JADE1: variants seen among roughly 807,000 people sequenced by gnomAD.
The protein encoded by JADE1 is jade family PHD finger 1.
JADE1 carries 14 observed loss-of-function variants against 81.8 expected under a neutral mutation model. The observed-to-expected ratio is 0.17, with a 90% CI of 0.11 to 0.27. JADE1 has a LOEUF of 0.27. Among genes scored for constraint, JADE1 ranks in the 10% least tolerant of loss-of-function variants. The probability of loss-of-function intolerance (pLI) is 1.00; values close to 1 mark genes in which losing one functional copy is unlikely to be tolerated. For synonymous variants in JADE1, 353 were observed against 391.9 expected (o/e 0.90, Z 1.17); for missense variants, 690 against 1,047.9 (o/e 0.66, Z 4.71).
intron 1 of JADE1, among the ~76,000 whole-genome samples, chr4:128,813,129 C>T (rs961714582): frequency 1.3e-5 from 2 of 152,208 alleles, no homozygotes; most frequent in African/African-American, 4.8e-5. Context: ...AGTGACTCCC[C>T]AGTGGTTACA....
intron 7 of JADE1, among the ~76,000 whole-genome samples, chr4:128,856,137 C>T (rs562435853): frequency 1.3e-5 from 2 of 152,162 alleles, no homozygotes; most frequent in African/African-American, 4.8e-5. Context: ...TTTTTAATAG[C>T]ACCTTAGCTC....
rs1329963600 is a variant in JADE1 at position 128,868,205 on chromosome 4, C to T, written c.1621+232C>T. 2.0e-5 allele frequency among the ~76,000 whole-genome samples: 3 copies of T among 152,200 alleles called. No individual in the cohort carries two copies. The East Asian group carries it at 5.8e-4, about 29-fold the overall frequency. On this transcript the variant is annotated intron_variant, in intron 10 of 10. Transcript: ENST00000226319. ...CTGTGTTCTCTGCTTACTGAGCAAACACATGAAAGTCTTTTGAGTCTCCCT... is the reference window on the plus strand; with the variant it reads ...CTGTGTTCTCTGCTTACTGAGCAAATACATGAAAGTCTTTTGAGTCTCCCT...
chr4:128,811,720 C>A (rs1726406700), intron 1 of JADE1: 1 of 147,936 alleles, frequency 6.8e-6, no homozygotes, highest in Non-Finnish European at 1.5e-5. Context: ...GCCGCTGCGC[C>A]CCCGCCCCGG....
intron 2 of JADE1, among the ~76,000 whole-genome samples, chr4:128,833,074 GT>G (rs1232748992): frequency 2.0e-5 from 3 of 152,208 alleles, no homozygotes. Flanking sequence ...AAGTGAACTA[GT>G]TGAGAGAGGG....
In JADE1 at chr4:128,872,034, T is replaced by C. The variant is rs1732235093; in HGVS notation, c.2301T>C (p.Asp767=). 1.9e-6 allele frequency: 3 copies of C among 1,613,814 alleles called. No individual in the cohort carries two copies. The highest frequency in any genetic ancestry group is 2.5e-6 in the Non-Finnish European group (3 of 1,179,928). The change falls in exon 11 of 11, where the codon GAT becomes GAC. Residue 767 remains aspartate, a synonymous_variant. Transcript: ENST00000226319. ...GGCAGCAGCAGGGAGAGGCCCACGA[T>C]GGGGCCTGCCACCAGCACTCAGACT... ...GERQQQGEAH[D]GACHQHSDYP...
intron 1 of JADE1, chr4:128,811,505 T>G (rs1560713723): frequency 2.0e-5 from 3 of 151,192 alleles, no homozygotes; most frequent in South Asian, 4.2e-4. Flanking sequence ...GGGGCCAACT[T>G]TTGTAGCCCG....
rs1726561934 is a variant in JADE1 at position 128,812,572 on chromosome 4, G to T, written c.-27+2695G>T. ...CGTCCCGGGTCTCCCCTCGCCCCAG[G>T]ATTCCTCCCGCGCCAGGCTCCGCTG... On this transcript the variant is annotated intron_variant, in intron 1 of 10. Transcript: ENST00000226319. 2.6e-5 allele frequency among the ~76,000 whole-genome samples: 4 copies of T among 152,066 alleles called. No homozygotes were observed. In the South Asian group the frequency reaches 6.2e-4, roughly 24 times the overall value.
chr4:128,819,229 G>A (rs925197915), intron 1 of JADE1, among the ~76,000 whole-genome samples: 1 of 151,240 alleles, frequency 6.6e-6, no homozygotes, highest in African/African-American at 2.4e-5. Context: ...TGAGGGCTGT[G>A]GGTTGTTTTT....
At chr4:128,815,609 G>A (rs1179473154) in intron 1 of JADE1, among the ~76,000 whole-genome samples, 2 of 152,218 alleles carry the variant, frequency 1.3e-5, no homozygotes, top group Non-Finnish European at 2.9e-5. Context: ...CAGTACTGAG[G>A]TGGTTGGAAC....
intron 1 of JADE1, among the ~76,000 whole-genome samples, chr4:128,822,174 G>A (rs188192737): frequency 6.6e-6 from 1 of 152,292 alleles, no homozygotes; most frequent in East Asian, 1.9e-4. Flanking sequence ...GTGCTTCCAG[G>A]TCTTTTATAT....
rs897624243 is a variant in JADE1, at chr4:128,872,852, A to G, written c.*590A>G. The G allele has an allele frequency of 2.2e-6, 1 of 451,258 alleles. No individual in the cohort carries two copies. The highest frequency in any genetic ancestry group is 7.0e-5 in the East Asian group (1 of 14,336). 28.0% of individuals were successfully genotyped at this position (451,258 alleles called of 1,614,324 possible). A position where few individuals can be genotyped will look rare whatever the true frequency, so the allele number is the denominator to read the frequency against. ...AGGGAAGAGAATTTTAAAAAAGGTC[A>G]TTATTGAAGAAGCTGAGGGGACAGG... On this transcript the variant is annotated 3_prime_UTR_variant, in exon 11 of 11. Coordinates refer to ENST00000226319, the MANE Select transcript of JADE1 (RefSeq NM_199320.4).
rs959160521 is a variant in JADE1, at chr4:128,846,714, G to C, written c.296+182G>C. Among the ~76,000 whole-genome samples the C allele has an allele frequency of 6.6e-6, 1 of 152,236 alleles. No homozygotes were observed. Among genetic ancestry groups the C allele is most frequent in the African/African-American group, 2.4e-5 (1 of 41,460 alleles). ...CAACATACTTCAGGCATACAGGGTA[G>C]TGGTTTTGAGGGCCATGAGCCTCCA... On this transcript the variant is annotated intron_variant, in intron 4 of 10. Coordinates refer to ENST00000226319, the MANE Select transcript of JADE1 (RefSeq NM_199320.4). This position sits in a 1 kb window ranked among gnomAD's most constrained non-coding sequence, Gnocchi z 4.0.
rs546616271 is a variant in JADE1 at position 128,819,270 on chromosome 4, A to G, written c.-27+9393A>G. ...GCTCTTTTTGCCCAGGCTGGAGTGC[A>G]ATGGTGGTTTTTTTTTTGGGGGGCA... On this transcript the variant is annotated intron_variant, in intron 1 of 10. Coordinates refer to ENST00000226319, the MANE Select transcript of JADE1 (RefSeq NM_199320.4). Among the ~76,000 whole-genome samples the G allele has an allele frequency of 1.9e-4, 13 of 68,902 alleles. No homozygotes were observed. In the East Asian group the frequency reaches 4.1e-3, roughly 22 times the overall value. The allele number at this position is 68,902 out of a possible 152,430, so 45.2% of individuals were successfully genotyped here.
chr4:128,840,670 G>A (rs868528098), intron 2 of JADE1, among the ~76,000 whole-genome samples: 5 of 152,144 alleles, frequency 3.3e-5, no homozygotes, highest in African/African-American at 1.2e-4. Context: ...CTAACTTGGC[G>A]TCTGTCTTCC....
intron 2 of JADE1, among the ~76,000 whole-genome samples, chr4:128,832,518 A>G (rs1026884703): frequency 6.6e-6 from 1 of 152,218 alleles, no homozygotes; most frequent in Admixed American, 6.5e-5. Context: ...TTACATTACA[A>G]ATTAAACCCA....
chr4:128,822,449 A>G (rs1167397988), intron 1 of JADE1, among the ~76,000 whole-genome samples: 1 of 152,180 alleles, frequency 6.6e-6, no homozygotes, highest in Non-Finnish European at 1.5e-5. Flanking sequence ...GCAGTGGCTC[A>G]TGCCTGTAAT....
At chr4:128,845,449 C>G (rs911738897) in intron 3 of JADE1, among the ~76,000 whole-genome samples, 2 of 152,184 alleles carry the variant, frequency 1.3e-5, no homozygotes, top group African/African-American at 4.8e-5. Flanking sequence ...GAAGTTTTGC[C>G]AGGTGAAGGT....
chr4:128,813,676 C>T (rs1423456532), intron 1 of JADE1, among the ~76,000 whole-genome samples: 40 of 152,036 alleles, frequency 2.6e-4, no homozygotes, highest in Non-Finnish European at 8.8e-5. Context: ...CCGCCCCGGC[C>T]TCTCAAAGTG....
intron 1 of JADE1, among the ~76,000 whole-genome samples, chr4:128,825,760 G>C (rs1007452715): frequency 6.6e-6 from 1 of 152,168 alleles, no homozygotes; most frequent in East Asian, 1.9e-4. Flanking sequence ...TATTATGTTA[G>C]CTAATGTACT....
Sources: gnomAD v4.1 joint callset for allele counts (sites outside exome capture counted in the v4.1 genomes callset) on GRCh38, gnomAD v4.1.1 for gene constraint, Gnocchi (gnomAD v3.1) non-coding constraint, MANE v1.5 for transcripts, NCBI Gene and HGNC (gene_info 2026-07-23, HGNC 2026-07-21) for gene names.